The following WASF3 variants were observed in gnomAD, a reference collection of about 807,000 sequenced individuals.
WASF3 encodes WASP family member 3.
Under a neutral mutation model 46.6 loss-of-function variants are expected in WASF3, and 11 were observed. That is an observed-to-expected ratio of 0.24 (90% CI 0.15 to 0.39). The LOEUF (loss-of-function observed/expected upper bound fraction) is 0.39, where lower values mean the gene tolerates loss of function less well. Ranked by LOEUF, WASF3 falls within the 10% of genes least tolerant of loss-of-function variation. The pLI, the probability that WASF3 is intolerant of heterozygous loss-of-function variation, is 1.00. For synonymous variants in WASF3, 242 were observed against 259.7 expected (o/e 0.93, Z 0.65); for missense variants, 576 against 669.8 (o/e 0.86, Z 1.55).
At chr13:26,556,013 T>C (rs1326375296), upstream of WASF3, among the ~76,000 whole-genome samples, 2 of 152,178 alleles carry the variant, frequency 1.3e-5, no homozygotes, top group South Asian at 2.1e-4. Context: ...AGGAATAGAA[T>C]CATATTTACC....
At chr13:26,618,127 C>T (rs552680710) in intron 2 of WASF3, among the ~76,000 whole-genome samples, 192 of 152,280 alleles carry the variant, frequency 1.3e-3, no homozygotes, top group African/African-American at 4.4e-3. Context: ...TGAGTTCACC[C>T]ATTAACACTT....
intron 6 of WASF3, among the ~76,000 whole-genome samples, chr13:26,675,481 TACACAC>T (rs56162218): frequency 0.1 from 15,003 of 145,560 alleles, 768 homozygotes; most frequent in Admixed American, 0.12. Flanking sequence ...TAGACACACA[TACACAC>T]ACACACACAC....
At chr13:26,542,306 A>G in the WASF3 span, among the ~76,000 whole-genome samples, 17 of 152,160 alleles carry the variant, frequency 1.1e-4, no homozygotes, top group African/African-American at 4.1e-4. Context: ...ATAAACCAAT[A>G]TCTGGCCACA....
chr13:26,684,249 C>T lies in WASF3; in HGVS notation c.1351+1275C>T, dbSNP rs1329664785. Among the ~76,000 whole-genome samples the T allele has an allele frequency of 1.1e-4, 17 of 151,420 alleles. 1 individual carries two copies. The highest frequency in any genetic ancestry group is 5.3e-4 in the Admixed American group (8 of 15,236). The stretch of plus-strand genomic sequence containing the variant: ...AGCTCATGAATATCAAGTTCGGGGT[C>T]ATTGTAGGACGGTGTTGGATTTGCC... On this transcript the variant is annotated intron_variant, in intron 9 of 9. Transcript: ENST00000335327.
intron 3 of WASF3, among the ~76,000 whole-genome samples, chr13:26,648,394 T>G (rs1882213203): frequency 6.6e-6 from 1 of 152,228 alleles, no homozygotes; most frequent in Non-Finnish European, 1.5e-5. Flanking sequence ...GTCAACCAAA[T>G]GCACTCTAAT....
the WASF3 span, among the ~76,000 whole-genome samples, chr13:26,549,639 C>A: frequency 6.6e-6 from 1 of 152,190 alleles, no homozygotes; most frequent in Admixed American, 6.5e-5. Context: ...AGTCATTTAA[C>A]TTCTGGTGCC....
At chr13:26,643,504 T>C (rs1389523172) in intron 3 of WASF3, among the ~76,000 whole-genome samples, 2 of 152,234 alleles carry the variant, frequency 1.3e-5, no homozygotes, top group Non-Finnish European at 2.9e-5. Context: ...TAAAATGTTT[T>C]TTAAAATAAA....
rs1167270571 is a variant in WASF3, at chr13:26,642,290, A to G, written c.20A>G (p.Asn7Ser). Residue 7 changes from asparagine to serine, a missense_variant, in exon 3 of 10, where the codon AAC becomes AGC. Physicochemically the swap from Asn to Ser is conservative, Grantham distance 46. Around this residue, in one of 3 missense-constraint regions of WASF3, gnomAD observed 213 missense variants for 278.0 expected, o/e 0.77. Transcript: ENST00000335327. The stretch of plus-strand genomic sequence containing the variant: ...TGAACCATGCCTTTAGTGAAGAGGA[A>G]CATTGAGCCCCGGCACTTGTGCCGG... MPLVKR[N>S]IEPRHLCRGA... The G allele has an allele frequency of 1.9e-6, 3 of 1,583,980 alleles. No individual in the cohort carries two copies. The highest frequency in any genetic ancestry group is 1.2e-5 in the South Asian group (1 of 85,000).
At chr13:26,639,193 G>C (rs181298722) in intron 2 of WASF3, among the ~76,000 whole-genome samples, 22 of 152,298 alleles carry the variant, frequency 1.4e-4, no homozygotes, top group Admixed American at 1.4e-3. Flanking sequence ...CTTTAAAGAA[G>C]AGCTGCAAAG....
At chr13:26,582,909 T>C (rs903406545) in intron 1 of WASF3, among the ~76,000 whole-genome samples, 2 of 152,062 alleles carry the variant, frequency 1.3e-5, no homozygotes, top group African/African-American at 4.8e-5. Context: ...ACAATGTAGG[T>C]CTCTTTTTCC....
At chr13:26,559,792 C>CT (rs142509921) in intron 1 of WASF3, among the ~76,000 whole-genome samples, 6,455 of 71,112 alleles carry the variant, frequency 0.091, 332 homozygotes, top group South Asian at 0.12. Flanking sequence ...CTTTTCTTTT[C>CT]TTTCTTTCTT....
intron 2 of WASF3, among the ~76,000 whole-genome samples, chr13:26,641,762 G>T (rs1882002783): frequency 6.6e-6 from 1 of 152,168 alleles, no homozygotes; most frequent in Non-Finnish European, 1.5e-5. Context: ...ATGGATGGTT[G>T]CCTGAGAAAG....
At chr13:26,592,390 A>G (rs1880330262) in intron 1 of WASF3, among the ~76,000 whole-genome samples, 2 of 152,152 alleles carry the variant, frequency 1.3e-5, no homozygotes, top group Non-Finnish European at 2.9e-5. Context: ...AATACCACAG[A>G]CTGTATAGCT....
At position 26,682,760 on chromosome 13, in the gene WASF3, C is replaced by T. The variant is rs375828497; in HGVS notation, c.1137C>T (p.His379=). The T allele has an allele frequency of 1.6e-4, 257 of 1,613,148 alleles. No individual in the cohort carries two copies. The highest frequency in any genetic ancestry group is 2.0e-4 in the Non-Finnish European group (234 of 1,180,022). The part of the protein sequence containing the change: ...PPFPASASST[H]AAPPHPPSTG... ...TCCCTGCATCAGCCAGCTCCACGCACGCAGCTCCTCCTCACCCACCCTCCA... is the reference window on the plus strand; with the variant it reads ...TCCCTGCATCAGCCAGCTCCACGCATGCAGCTCCTCCTCACCCACCCTCCA... Residue 379 remains histidine, a synonymous_variant, in exon 9 of 10, where the codon CAC becomes CAT. Transcript: ENST00000335327. The surrounding 1 kb of genome is among the most constrained non-coding windows in gnomAD (Gnocchi z 4.4).
At chr13:26,578,376 A>G (rs1307615599) in intron 1 of WASF3, among the ~76,000 whole-genome samples, 2 of 152,158 alleles carry the variant, frequency 1.3e-5, no homozygotes, top group East Asian at 1.9e-4. Flanking sequence ...TTTTAGGCCT[A>G]ACATAAATTG....
At chr13:26,563,513 G>C in intron 1 of WASF3, among the ~76,000 whole-genome samples, 1 of 151,986 alleles carries the variant, frequency 6.6e-6, no homozygotes, top group East Asian at 1.9e-4. Context: ...AAATTAGCCA[G>C]TTGTAGTGGC....
chr13:26,683,483 A>AAG (rs1354937625), intron 9 of WASF3, among the ~76,000 whole-genome samples: 1 of 137,002 alleles, frequency 7.3e-6, no homozygotes, highest in African/African-American at 2.7e-5. Flanking sequence ...TCAAAAAAAA[A>AAG]AAAAGAATTG....
At chr13:26,600,065 G>A (rs9512283) in intron 1 of WASF3, among the ~76,000 whole-genome samples, 27,609 of 152,136 alleles carry the variant, frequency 0.18, 2,813 homozygotes, top group South Asian at 0.27. Flanking sequence ...ATTAAATGAT[G>A]CAGAAGTACA....
In WASF3 at chr13:26,559,808, CTTTTTTTTT is replaced by C. The variant is rs770616922; in HGVS notation, c.-109+2007_-109+2015del. On this transcript the variant is annotated intron_variant, in intron 1 of 9. Coordinates refer to ENST00000335327, the MANE Select transcript of WASF3 (RefSeq NM_006646.6). ...TTTTCTTTTCTTTCTTTCTTTCTTT[CTTTTTTTTT>C]TTTTTTTTTTTTTTTTTGAGACGGA... Among the ~76,000 whole-genome samples the C allele has an allele frequency of 8.0e-3, 580 of 72,410 alleles. 1 individual carries two copies. The highest frequency in any genetic ancestry group is 0.01 in the Non-Finnish European group (398 of 39,254). 47.5% of individuals were successfully genotyped at this position (72,410 alleles called of 152,430 possible).
Sources: allele counts gnomAD v4.1 joint callset (sites outside exome capture counted in the v4.1 genomes callset), GRCh38; gene constraint gnomAD v4.1.1; regional missense constraint gnomAD v4.1.1; non-coding constraint Gnocchi (gnomAD v3.1); transcripts MANE v1.5; gene names NCBI Gene and HGNC (gene_info 2026-07-23, HGNC 2026-07-21).